UBE3D: variants seen among roughly 807,000 people sequenced by gnomAD.
UBE3D encodes the protein E3 ubiquitin-protein ligase E3D.
In UBE3D, 48 loss-of-function variants were observed where a neutral mutation model predicts 49.6. The ratio of observed to expected loss-of-function variants is 0.97; its 90% CI spans 0.77 to 1.23. The LOEUF is 1.23. UBE3D is among the 50% of genes most tolerant of loss of function. The pLI is 0.00. For missense variants in UBE3D, 452 were observed against 468.4 expected, an observed-to-expected ratio of 0.96 and a Z score of 0.32; for synonymous variants, 189 against 174.2, an observed-to-expected ratio of 1.08 and a Z score of -0.67.
intron 9 of UBE3D, among the ~76,000 whole-genome samples, chr6:82,911,666 A>T (rs1175016424): frequency 6.6e-6 from 1 of 152,132 alleles, no homozygotes; most frequent in African/African-American, 2.4e-5. Flanking sequence ...TTCAACAATG[A>T]TCTGAGTTTT....
chr6:83,016,952 G>C (rs1188192671), intron 8 of UBE3D, among the ~76,000 whole-genome samples: 1 of 152,130 alleles, frequency 6.6e-6, no homozygotes, highest in Non-Finnish European at 1.5e-5. Context: ...CAGCTGATTA[G>C]ATGGTGCCCA....
intron 8 of UBE3D, among the ~76,000 whole-genome samples, chr6:83,015,460 T>C (rs1780631605): frequency 6.6e-6 from 1 of 152,088 alleles, no homozygotes. Flanking sequence ...ACTGCAACAT[T>C]AAAAGGAGAG....
intron 9 of UBE3D, among the ~76,000 whole-genome samples, chr6:82,955,339 C>T (rs1776085952): frequency 6.6e-6 from 1 of 152,188 alleles, no homozygotes; most frequent in African/African-American, 2.4e-5. Flanking sequence ...CCATGGATGA[C>T]TGTTCTATTT....
At chr6:82,941,311 G>T (rs919195258) in intron 9 of UBE3D, among the ~76,000 whole-genome samples, 1 of 151,184 alleles carries the variant, frequency 6.6e-6, no homozygotes, top group Admixed American at 6.6e-5. Flanking sequence ...ATGAAAAAAG[G>T]TTTTATTTTA....
At chr6:82,995,741 T>C (rs1464462829) in intron 8 of UBE3D, among the ~76,000 whole-genome samples, 1 of 151,980 alleles carries the variant, frequency 6.6e-6, no homozygotes, top group Non-Finnish European at 1.5e-5. Flanking sequence ...GAAAAGCCCA[T>C]AGGAGAGAAT....
intron 9 of UBE3D, among the ~76,000 whole-genome samples, chr6:82,951,335 A>T (rs1262139443): frequency 3.3e-5 from 5 of 152,242 alleles, no homozygotes; most frequent in African/African-American, 1.2e-4. Context: ...GAATTCTGTC[A>T]TTAACCTGGG....
chr6:83,019,909 G>A (rs921838211), intron 7 of UBE3D, among the ~76,000 whole-genome samples: 3 of 152,102 alleles, frequency 2.0e-5, no homozygotes, highest in South Asian at 2.1e-4. Context: ...GGACTGTGGC[G>A]GACAGGTAAC....
chr6:82,935,137 G>T (rs1450555277), intron 9 of UBE3D, among the ~76,000 whole-genome samples: 1 of 150,962 alleles, frequency 6.6e-6, no homozygotes, highest in Admixed American at 6.6e-5. Context: ...GCTGGCATCT[G>T]CTTGGCTTCT....
chr6:82,970,459 A>C (rs2127704572), intron 8 of UBE3D, among the ~76,000 whole-genome samples: 1 of 152,274 alleles, frequency 6.6e-6, no homozygotes, highest in East Asian at 1.9e-4. Context: ...AGGACAAAGG[A>C]CAGAAATTCA....
chr6:83,008,729 C>A (rs955980101), intron 8 of UBE3D, among the ~76,000 whole-genome samples: 3 of 152,120 alleles, frequency 2.0e-5, no homozygotes, highest in Admixed American at 6.5e-5. Context: ...AATACACCAC[C>A]CCATGTGCCA....
At chr6:82,992,157 G>T (rs1469397295) in intron 8 of UBE3D, among the ~76,000 whole-genome samples, 1 of 150,728 alleles carries the variant, frequency 6.6e-6, no homozygotes, top group African/African-American at 2.4e-5. Flanking sequence ...TGTCTCTAAG[G>T]TAAAGAAGTA....
Position 83,044,560 on chromosome 6 carries a change from A to T in UBE3D, c.465T>A (p.His155Gln). Residue 155 changes from histidine (H) to glutamine (Q), a missense_variant, in exon 4 of 10, where the codon CAT (histidine) becomes CAA (glutamine). Transcript: ENST00000369747. Reference protein sequence around the residue: ...HPDPFANKSLHPQENDCFIGD... With the variant: ...HPDPFANKSLQPQENDCFIGD... Reference sequence around the variant, plus strand: ...CAATAAAACAGTCATTCTCTTGCGGATGAAGTGATTTATTAGCAAAGGGGT... The same window carrying T: ...CAATAAAACAGTCATTCTCTTGCGGTTGAAGTGATTTATTAGCAAAGGGGT... The T allele has an allele frequency of 6.2e-7, 1 of 1,614,150 alleles. No homozygotes were observed. The highest frequency in any genetic ancestry group is 8.5e-7 in the Non-Finnish European group (1 of 1,180,008).
chr6:83,032,404 T>C (rs1781943434), intron 5 of UBE3D: 1 of 383,540 alleles, frequency 2.6e-6, no homozygotes, highest in Admixed American at 3.0e-5. Context: ...TTAGCCCCTT[T>C]GATTTGGCCA....
chr6:83,059,452 T>C (rs1033336067), intron 1 of UBE3D, among the ~76,000 whole-genome samples: 2 of 152,146 alleles, frequency 1.3e-5, no homozygotes, highest in Non-Finnish European at 2.9e-5. Flanking sequence ...AGGCTGCAGG[T>C]AGGATTTGGC....
At chr6:83,029,157 A>C (rs951575112) in intron 5 of UBE3D, among the ~76,000 whole-genome samples, 5 of 152,134 alleles carry the variant, frequency 3.3e-5, no homozygotes, top group African/African-American at 1.2e-4. Flanking sequence ...TTTTAAAATA[A>C]TTTGCCAAGT....
At chr6:82,937,307 C>G (rs892536652) in intron 9 of UBE3D, among the ~76,000 whole-genome samples, 1 of 133,338 alleles carries the variant, frequency 7.5e-6, no homozygotes, top group Non-Finnish European at 1.6e-5. Flanking sequence ...GCTGTTGTTT[C>G]CCCCTTCTAA....
chr6:82,923,919 T>A (rs1195369676), intron 9 of UBE3D, among the ~76,000 whole-genome samples: 2 of 152,102 alleles, frequency 1.3e-5, no homozygotes, highest in Non-Finnish European at 2.9e-5. Context: ...AAAAAAACTG[T>A]GTGTTGGAAA....
At position 82,920,378 on chromosome 6, in the gene UBE3D, A is replaced by G. The variant is rs543621601; in HGVS notation, c.1150-27336T>C. 6.6e-5 allele frequency among the ~76,000 whole-genome samples: 10 copies of G among 152,362 alleles called. No individual in the cohort carries two copies. In the South Asian group the frequency reaches 1.9e-3, roughly 28 times the overall value. ...TGGCTTCTGCATTCCTTTGATACAT[A>G]TATCTTTTTAATATGATAAGACCAC... On this transcript the variant is annotated intron_variant, in intron 9 of 9. Transcript: ENST00000369747.
intron 8 of UBE3D, among the ~76,000 whole-genome samples, chr6:82,969,982 A>G (rs1312474413): frequency 6.6e-6 from 1 of 151,152 alleles, no homozygotes; most frequent in Non-Finnish European, 1.5e-5. Context: ...GATCCATGGA[A>G]CAAAACACAA....
Sources: gnomAD v4.1 joint callset for allele counts (sites outside exome capture counted in the v4.1 genomes callset) on GRCh38, gnomAD v4.1.1 for gene constraint, MANE v1.5 for transcripts, NCBI Gene and HGNC (gene_info 2026-07-23, HGNC 2026-07-21) for gene names.